The following INSR variants were observed in gnomAD, a reference collection of about 807,000 sequenced individuals.
INSR encodes the protein IR.
A neutral mutation model predicts 142.6 loss-of-function variants in INSR; 67 were observed. The observed-to-expected ratio is 0.47, with a 90% CI of 0.39 to 0.58. The LOEUF (loss-of-function observed/expected upper bound fraction) is 0.58, where lower values mean the gene tolerates loss of function less well. Ranked by LOEUF, INSR falls within the 20% of genes least tolerant of loss-of-function variation. INSR has a pLI of 0.00. For missense variants in INSR, 1,248 were observed against 1,833.2 expected, an observed-to-expected ratio of 0.68 and a Z score of 5.83; for synonymous variants, 756 against 743.1, an observed-to-expected ratio of 1.02 and a Z score of -0.28.
intron 2 of INSR, among the ~76,000 whole-genome samples, chr19:7,245,310 G>T (rs10407075): frequency 1.4e-4 from 22 of 152,080 alleles, no homozygotes; most frequent in African/African-American, 5.3e-4. Flanking sequence ...TCTTCTAAAA[G>T]GTGTAATAGG....
chr19:7,256,931 C>CTTGTTTTTTTT (rs1568222889), intron 2 of INSR, among the ~76,000 whole-genome samples: 1 of 109,462 alleles, frequency 9.1e-6, no homozygotes, highest in African/African-American at 3.5e-5. Context: ...TCTACCCTAC[C>CTTGTTTTTTTT]TTTTTTTTTT....
chr19:7,246,629 C>T (rs940738197), intron 2 of INSR, among the ~76,000 whole-genome samples: 2 of 152,212 alleles, frequency 1.3e-5, no homozygotes, highest in African/African-American at 4.8e-5. Flanking sequence ...TAGTTTGTTA[C>T]ACAGCAAAAG....
intron 2 of INSR, among the ~76,000 whole-genome samples, chr19:7,215,951 A>C (rs1975420379): frequency 6.6e-6 from 1 of 152,136 alleles, no homozygotes; most frequent in South Asian, 2.1e-4. Context: ...ACAAAGCCCC[A>C]GCTCTGTTGG....
intron 2 of INSR, among the ~76,000 whole-genome samples, chr19:7,263,002 G>T (rs1373962853): frequency 6.6e-6 from 1 of 152,142 alleles, no homozygotes; most frequent in Non-Finnish European, 1.5e-5. Flanking sequence ...ATGGGGCCAG[G>T]CGCGGTGGCA....
intron 16 of INSR, 30 bp downstream of exon 16, chr19:7,126,554 G>T: frequency 6.5e-7 from 1 of 1,539,104 alleles, no homozygotes; most frequent in Non-Finnish European, 8.8e-7. Flanking sequence ...GTAGGGTTCT[G>T]GCCACCCACA....
At chr19:7,123,494 G>A (rs933204389) in intron 17 of INSR, among the ~76,000 whole-genome samples, 3 of 151,908 alleles carry the variant, frequency 2.0e-5, no homozygotes, top group Non-Finnish European at 4.4e-5. Flanking sequence ...CCCTCTGCCT[G>A]GCTCTCTGTT....
chr19:7,176,963 T>A (rs16994314), intron 3 of INSR, among the ~76,000 whole-genome samples: 2,563 of 152,286 alleles, frequency 0.017, 47 homozygotes, highest in Middle Eastern at 0.058. Flanking sequence ...TTTGCTGTTC[T>A]GTGTGGGATG....
intron 13 of INSR, among the ~76,000 whole-genome samples, chr19:7,134,427 T>C (rs1208856940): frequency 6.7e-6 from 1 of 149,390 alleles, no homozygotes; most frequent in East Asian, 2.0e-4. Context: ...AAGCTCTTTC[T>C]TTGCCACGGT....
At chr19:7,286,350 G>A (rs1378558225) in intron 1 of INSR, among the ~76,000 whole-genome samples, 1 of 151,952 alleles carries the variant, frequency 6.6e-6, no homozygotes, top group African/African-American at 2.4e-5. Context: ...GGACATGAAT[G>A]GAATGCTTTT....
chr19:7,271,748 G>A (rs745741201), intron 1 of INSR, among the ~76,000 whole-genome samples: 24 of 152,172 alleles, frequency 1.6e-4, no homozygotes, highest in South Asian at 6.2e-4. Flanking sequence ...AGTGGCTCAC[G>A]CCTGTAATCC....
intron 1 of INSR, among the ~76,000 whole-genome samples, chr19:7,272,377 G>T (rs1186570253): frequency 2.6e-5 from 4 of 152,202 alleles, no homozygotes; most frequent in African/African-American, 9.6e-5. Flanking sequence ...CAGCGCTTTG[G>T]GAGGCTGAGG....
At chr19:7,221,378 AAGGAGGAGGAGGAGGAGG>A (rs71177175) in intron 2 of INSR, among the ~76,000 whole-genome samples, 1 of 140,058 alleles carries the variant, frequency 7.1e-6, no homozygotes, top group African/African-American at 2.7e-5. Context: ...TGTCAAAAAA[AAGGAGGAGGAGGAGGAGG>A]AGGAGGAGGA....
At chr19:7,282,224 G>A (rs1035789436) in intron 1 of INSR, among the ~76,000 whole-genome samples, 1 of 151,968 alleles carries the variant, frequency 6.6e-6, no homozygotes, top group Non-Finnish European at 1.5e-5. Flanking sequence ...AATTAGCTGG[G>A]CGTGGTGGTG....
intron 13 of INSR, among the ~76,000 whole-genome samples, chr19:7,133,036 A>AG (rs1191164284): frequency 4.0e-5 from 6 of 151,804 alleles, no homozygotes; most frequent in Admixed American, 1.3e-4. Context: ...CCGTGAAGGG[A>AG]GGATTGCTGG....
intron 3 of INSR, among the ~76,000 whole-genome samples, chr19:7,178,507 T>C (rs111481546): frequency 0.015 from 2,277 of 152,070 alleles, 36 homozygotes; most frequent in Middle Eastern, 0.058. Flanking sequence ...AATCACGAAG[T>C]CAGGAGTTTG....
intron 2 of INSR, among the ~76,000 whole-genome samples, chr19:7,207,926 A>G (rs1192118857): frequency 1.8e-4 from 23 of 126,222 alleles, no homozygotes; most frequent in African/African-American, 6.4e-4. Context: ...GGAAGGAAGG[A>G]AGGAAGGAAG....
chr19:7,293,020 G>A (rs1285806586), intron 1 of INSR, among the ~76,000 whole-genome samples: 1 of 152,144 alleles, frequency 6.6e-6, no homozygotes, highest in Non-Finnish European at 1.5e-5. Flanking sequence ...CGTCCTACAT[G>A]AGCCTCAGTT....
intron 2 of INSR, among the ~76,000 whole-genome samples, chr19:7,235,835 A>G (rs1480165459): frequency 6.6e-6 from 1 of 152,086 alleles, no homozygotes; most frequent in African/African-American, 2.4e-5. Flanking sequence ...TCTAAAAATA[A>G]TAATAACAAT....
At chr19:7,123,802 T>C (rs1365741619) in intron 17 of INSR, among the ~76,000 whole-genome samples, 6 of 151,678 alleles carry the variant, frequency 4.0e-5, no homozygotes, top group Admixed American at 3.9e-4. Flanking sequence ...GGGCTCCTGT[T>C]ATCCCAGCTA....
Sources: allele counts gnomAD v4.1 joint callset (sites outside exome capture counted in the v4.1 genomes callset), GRCh38; gene constraint gnomAD v4.1.1; transcripts MANE v1.5; gene names NCBI Gene and HGNC (gene_info 2026-07-23, HGNC 2026-07-21).